Variants in SCML4 observed in about 807,000 individuals in gnomAD.
SCML4 encodes sex comb on midleg-like protein 4.
SCML4 carries 34 observed loss-of-function variants against 41.1 expected under a neutral mutation model. The observed-to-expected ratio is 0.83, with a 90% CI of 0.63 to 1.10. The LOEUF (loss-of-function observed/expected upper bound fraction) is 1.10, where lower values mean the gene tolerates loss of function less well. Ranked by LOEUF, SCML4 falls within the 50% of genes least tolerant of loss-of-function variation. The probability of loss-of-function intolerance (pLI) is 0.00; values close to 1 mark genes in which losing one functional copy is unlikely to be tolerated. For missense variants in SCML4, 522 were observed against 534.1 expected (o/e 0.98, Z 0.22); for synonymous variants, 214 against 220.9 (o/e 0.97, Z 0.28).
intron 1 of SCML4, among the ~76,000 whole-genome samples, chr6:107,804,071 A>G (rs1344125253): frequency 3.7e-4 from 49 of 132,406 alleles, no homozygotes; most frequent in Non-Finnish European, 6.1e-4. Flanking sequence ...GAAAAAGAAA[A>G]AAAAAAAAAA....
chr6:107,756,481 C>G (rs1779122877), intron 2 of SCML4, among the ~76,000 whole-genome samples: 1 of 152,186 alleles, frequency 6.6e-6, no homozygotes, highest in South Asian at 2.1e-4. Context: ...AAAGGAAATT[C>G]TGAGCAACTT....
At chr6:107,706,558 G>A (rs185240417) in intron 7 of SCML4, among the ~76,000 whole-genome samples, 58 of 152,288 alleles carry the variant, frequency 3.8e-4, no homozygotes, top group African/African-American at 1.4e-3. Context: ...CTCCATGCAC[G>A]ACGTCTGGAT....
chr6:107,771,135 T>G (rs1162092014), intron 2 of SCML4, among the ~76,000 whole-genome samples: 1 of 152,194 alleles, frequency 6.6e-6, no homozygotes, highest in Non-Finnish European at 1.5e-5. Flanking sequence ...TTGAGGAGCC[T>G]TCCTCCCACC....
chr6:107,713,480 A>C (rs1245860174), intron 6 of SCML4, among the ~76,000 whole-genome samples: 1 of 152,232 alleles, frequency 6.6e-6, no homozygotes, highest in Admixed American at 6.5e-5. Context: ...GTGTGTCCAC[A>C]TGCAAAACAC....
the SCML4 span, among the ~76,000 whole-genome samples, chr6:107,831,411 C>CCAAAAAAAAAA: frequency 2.8e-5 from 3 of 107,504 alleles, 1 homozygote; most frequent in Non-Finnish European, 5.5e-5. Context: ...TTTTCATTCT[C>CCAAAAAAAAAA]AAAAAAAAAA....
chr6:107,787,464 C>T (rs915597310), intron 1 of SCML4, among the ~76,000 whole-genome samples: 1 of 151,952 alleles, frequency 6.6e-6, no homozygotes, highest in African/African-American at 2.4e-5. Flanking sequence ...TACACACACA[C>T]ATATATATAT....
At chr6:107,758,432 CTT>C (rs1779280521) in intron 2 of SCML4, among the ~76,000 whole-genome samples, 1 of 152,198 alleles carries the variant, frequency 6.6e-6, no homozygotes, top group African/African-American at 2.4e-5. Context: ...AGTTTTCTAA[CTT>C]AGCGTTATGC....
intron 6 of SCML4, among the ~76,000 whole-genome samples, chr6:107,717,534 C>G (rs543955137): frequency 2.6e-5 from 4 of 152,118 alleles, no homozygotes; most frequent in African/African-American, 9.6e-5. Context: ...GCAAAGTTCT[C>G]TCTAATATTT....
intron 5 of SCML4, among the ~76,000 whole-genome samples, chr6:107,721,801 C>T (rs1264901588): frequency 6.6e-6 from 1 of 152,108 alleles, no homozygotes; most frequent in Admixed American, 6.6e-5. Context: ...ATGAGGGCAG[C>T]CATCCTCCGC....
chr6:107,772,381 G>C lies in SCML4; in HGVS notation c.-54C>G. The C allele has an allele frequency of 6.7e-7, 1 of 1,485,356 alleles. No homozygotes were observed. Among genetic ancestry groups the C allele is most frequent in the Admixed American group, 2.3e-5 (1 of 44,070 alleles). 92.0% of individuals were successfully genotyped at this position (1,485,356 alleles called of 1,614,324 possible). ...GGTGACAAATCGCTCACAGGCAGAA[G>C]AGGTGCTAAGAATTAGTCCAGACAC... is the stretch of plus-strand genomic sequence containing the variant. On this transcript the variant is annotated 5_prime_UTR_variant, in exon 2 of 8. Coordinates refer to ENST00000369020, the MANE Select transcript of SCML4 (RefSeq NM_198081.5).
chr6:107,748,797 A>G (rs1226509890), intron 3 of SCML4, among the ~76,000 whole-genome samples: 1 of 152,206 alleles, frequency 6.6e-6, no homozygotes, highest in Non-Finnish European at 1.5e-5. Context: ...AGGGGCTAAG[A>G]GAGCCCATCT....
rs1777950955 is a variant in SCML4 at position 107,745,094 on chromosome 6, C to T, written c.537G>A (p.Val179=). The T allele has an allele frequency of 1.2e-6, 2 of 1,610,020 alleles. No homozygotes were observed. Among genetic ancestry groups the T allele is most frequent in the Non-Finnish European group, 1.7e-6 (2 of 1,178,012 alleles). Residue 179 remains valine, a synonymous_variant, in exon 5 of 8, where the codon GTG becomes GTA. Transcript: ENST00000369020. ...GKQHLRSLPV[V]NSIGYVLRFL... ...AGCGGAGGACATAGCCGATGCTGTT[C>T]ACCACAGGCAGGCTCCGCAGGTGCT...
intron 1 of SCML4, among the ~76,000 whole-genome samples, chr6:107,787,589 A>C (rs957071123): frequency 1.3e-5 from 2 of 152,222 alleles, no homozygotes; most frequent in African/African-American, 4.8e-5. Flanking sequence ...TTTATCTATA[A>C]AGCAAATTCT....
chr6:107,824,746 G>A (rs748895174), upstream of SCML4, among the ~76,000 whole-genome samples: 1 of 152,086 alleles, frequency 6.6e-6, no homozygotes, highest in Non-Finnish European at 1.5e-5. Flanking sequence ...TCCCAATCCT[G>A]CAGCAGTGTG....
In SCML4 at chr6:107,771,111, A is replaced by T. The variant is rs374585068; in HGVS notation, c.156+1061T>A. On this transcript the variant is annotated intron_variant, in intron 2 of 7. Transcript: ENST00000369020. ...AAAGCTTCTTTTACTAAAACCAATG[A>T]CCCCACAATAACTTTGAGGAGCCTT... is the stretch of plus-strand genomic sequence containing the variant. Among the ~76,000 whole-genome samples, 4 of 152,028 alleles carry T rather than the reference A, an allele frequency of 2.6e-5. No homozygotes were observed. In the East Asian group the frequency reaches 7.7e-4, roughly 29 times the overall value.
chr6:107,825,763 C>T (rs1785225419), upstream of SCML4, among the ~76,000 whole-genome samples: 1 of 151,214 alleles, frequency 6.6e-6, no homozygotes, highest in Admixed American at 6.6e-5. Flanking sequence ...TGGTGAAACC[C>T]CGTCTCTACT....
chr6:107,708,943 A>C (rs1437499120), intron 6 of SCML4, among the ~76,000 whole-genome samples: 3 of 152,054 alleles, frequency 2.0e-5, no homozygotes, highest in Non-Finnish European at 2.9e-5. Flanking sequence ...CATTTTAGGA[A>C]CCTACCTCTT....
the SCML4 span, among the ~76,000 whole-genome samples, chr6:107,842,796 T>C: frequency 2.1e-4 from 32 of 152,356 alleles, no homozygotes; most frequent in Admixed American, 1.0e-3. Context: ...TTTTCTGTTC[T>C]AGCAGTTTTT....
chr6:107,795,712 A>T (rs1344519967), intron 1 of SCML4, among the ~76,000 whole-genome samples: 3 of 152,082 alleles, frequency 2.0e-5, no homozygotes, highest in Non-Finnish European at 4.4e-5. Flanking sequence ...TATCTTTAGT[A>T]GAGATGGTGT....
Sources: allele counts gnomAD v4.1 joint callset (sites outside exome capture counted in the v4.1 genomes callset), GRCh38; gene constraint gnomAD v4.1.1; transcripts MANE v1.5; gene names NCBI Gene and HGNC (gene_info 2026-07-23, HGNC 2026-07-21).